TRIM14: variants seen among roughly 807,000 people sequenced by gnomAD.
The protein encoded by TRIM14 is tripartite motif containing 14.
In TRIM14, 28 loss-of-function variants were observed where a neutral mutation model predicts 44.5. The ratio of observed to expected loss-of-function variants is 0.63; its 90% CI spans 0.47 to 0.86. The LOEUF is 0.86. Ranked by LOEUF, TRIM14 falls within the 40% of genes least tolerant of loss-of-function variation. The pLI is 0.00. For synonymous variants in TRIM14, 299 were observed against 269.2 expected (o/e 1.11, Z -1.08); for missense variants, 607 against 611.1 (o/e 0.99, Z 0.07).
rs1825859156 is a variant in TRIM14, at chr9:98,088,016, C to A, written c.794-11G>T. The A allele has an allele frequency of 2.0e-6, 3 of 1,507,472 alleles. No homozygotes were observed. Among genetic ancestry groups the A allele is most frequent in the African/African-American group, 1.4e-5 (1 of 69,142 alleles). The allele number at this position is 1,507,472 out of a possible 1,614,324, so 93.4% of individuals were successfully genotyped here. ...TGGGCGTGCGCGCGTCTGCAGGGGG[C>A]GAGACAAGGGACGCACCTGGTGGGC... On this transcript the variant is annotated splice_polypyrimidine_tract_variant and intron_variant, in intron 5 of 5. Transcript: ENST00000341469.
intron 2 of TRIM14, among the ~76,000 whole-genome samples, chr9:98,108,951 C>A (rs781172052): frequency 4.7e-5 from 7 of 147,476 alleles, no homozygotes; most frequent in Non-Finnish European, 1.0e-4. Flanking sequence ...GATCCTAGGT[C>A]ACTGCAGTCT....
the TRIM14 span, among the ~76,000 whole-genome samples, chr9:98,058,047 C>T: frequency 2.0e-5 from 3 of 151,156 alleles, no homozygotes; most frequent in South Asian, 2.1e-4. Context: ...CTCAGCCTCC[C>T]GAGTAGCTGG....
At chr9:98,054,704 C>A in the TRIM14 span, among the ~76,000 whole-genome samples, 5 of 152,202 alleles carry the variant, frequency 3.3e-5, no homozygotes, top group African/African-American at 9.6e-5. Context: ...TAGTAGTGCC[C>A]TGCCGATAGA....
intron 6 of TRIM14, chr9:98,076,624 C>T: frequency 3.0e-6 from 1 of 332,492 alleles, no homozygotes. Flanking sequence ...ATCTGCCCGC[C>T]TCGGCCTCCC....
chr9:98,107,337 A>T (rs138402361), intron 2 of TRIM14, among the ~76,000 whole-genome samples: 1 of 152,338 alleles, frequency 6.6e-6, no homozygotes, highest in East Asian at 1.9e-4. Context: ...ACCTGGACAC[A>T]ACTGTTCAAA....
Position 98,087,352 on chromosome 9 carries a change from G to C in TRIM14, c.*118C>G. 1.4e-6 allele frequency: 2 copies of C among 1,460,904 alleles called. No individual in the cohort carries two copies. The highest frequency in any genetic ancestry group is 1.9e-6 in the Non-Finnish European group (2 of 1,041,092). The allele number at this position is 1,460,904 out of a possible 1,614,324, so 90.5% of individuals were successfully genotyped here. ...GGCGTGATTGGTCGGGGAAAGCTGGGGCAGGGAGAGGGCCCTAAGAAGCAG... is the reference window on the plus strand; with the variant it reads ...GGCGTGATTGGTCGGGGAAAGCTGGCGCAGGGAGAGGGCCCTAAGAAGCAG... On this transcript the variant is annotated 3_prime_UTR_variant, in exon 6 of 6. Transcript: ENST00000341469.
intron 6 of TRIM14, among the ~76,000 whole-genome samples, chr9:98,072,282 G>A (rs984620147): frequency 6.6e-6 from 1 of 152,226 alleles, no homozygotes; most frequent in Non-Finnish European, 1.5e-5. Flanking sequence ...TGGCTGTTCT[G>A]TGACTCAGAA....
the TRIM14 span, among the ~76,000 whole-genome samples, chr9:98,045,495 G>A: frequency 2.0e-5 from 3 of 152,156 alleles, no homozygotes; most frequent in African/African-American, 7.2e-5. Flanking sequence ...GTTCAAATAA[G>A]ACAAATGCTG....
Position 98,098,629 on chromosome 9 carries a change from G to A in TRIM14, c.537+1302C>T, listed in dbSNP as rs1430586836. ...CGGGAGGCTGAGGCAGGAGAATGGT[G>A]GGAGGTGGAGCTTGCTGTAAGCCGA... On this transcript the variant is annotated intron_variant, in intron 3 of 5. Transcript: ENST00000341469. Among the ~76,000 whole-genome samples the A allele has an allele frequency of 2.6e-5, 4 of 151,074 alleles. No homozygotes were observed. The East Asian group carries it at 7.9e-4, about 30-fold the overall frequency.
the TRIM14 span, among the ~76,000 whole-genome samples, chr9:98,057,500 T>C: frequency 6.6e-6 from 1 of 152,334 alleles, no homozygotes; most frequent in Non-Finnish European, 1.5e-5. Context: ...TGTGTGAACA[T>C]GGGCTGCTTA....
intron 6 of TRIM14, among the ~76,000 whole-genome samples, chr9:98,073,892 T>C (rs960678362): frequency 6.6e-6 from 1 of 152,064 alleles, no homozygotes; most frequent in East Asian, 1.9e-4. Flanking sequence ...GTTCAAGCAA[T>C]CCTCCCACTT....
At chr9:98,094,174 G>C (rs1381968523) in intron 4 of TRIM14, among the ~76,000 whole-genome samples, 1 of 152,214 alleles carries the variant, frequency 6.6e-6, no homozygotes, top group Non-Finnish European at 1.5e-5. Context: ...GCTATGCCTG[G>C]CATATAAGAG....
At position 98,087,825 on chromosome 9, in the gene TRIM14, T is replaced by C; in HGVS notation, c.974A>G (p.Glu325Gly). 1 of 1,541,458 alleles carries C rather than the reference T, an allele frequency of 6.5e-7. No homozygotes were observed. The highest frequency in any genetic ancestry group is 2.6e-5 in the East Asian group (1 of 39,164). The part of the protein sequence containing the change: ...DCFATGRHYW[E>G]VDVQEAGAGW... Reference sequence around the variant, plus strand: ...GGCGCCCGCCTCCTGCACGTCAACCTCCCAGTAGTGGCGGCCGGTGGCGAA... The same window carrying C: ...GGCGCCCGCCTCCTGCACGTCAACCCCCCAGTAGTGGCGGCCGGTGGCGAA... The change falls in exon 6 of 6, where the codon GAG becomes GGG. Residue 325 changes from glutamate (E) to glycine (G), a missense_variant. By Grantham distance (98) the Glu-to-Gly change is moderately conservative. This residue lies in a region of TRIM14 where 356 missense variants were observed against 323.0 expected (regional missense o/e 1.10). Transcript: ENST00000341469.
intron 1 of TRIM14, among the ~76,000 whole-genome samples, chr9:98,111,464 G>A (rs1826851801): frequency 6.6e-6 from 1 of 152,094 alleles, no homozygotes; most frequent in African/African-American, 2.4e-5. Flanking sequence ...GGTGGAGAAT[G>A]CCTCAAGTTC....
At chr9:98,080,596 C>G (rs1829808497), downstream of TRIM14, among the ~76,000 whole-genome samples, 1 of 152,152 alleles carries the variant, frequency 6.6e-6, no homozygotes, top group South Asian at 2.1e-4. Flanking sequence ...ATTTTTAGAG[C>G]ATTTACAATG....
At chr9:98,083,168 C>CTA, downstream of TRIM14, 14 of 953,060 alleles carry the variant, frequency 1.5e-5, no homozygotes, top group South Asian at 6.4e-5. Flanking sequence ...TCATCCACCT[C>CTA]CACCTGCTCC....
the TRIM14 span, among the ~76,000 whole-genome samples, chr9:98,057,646 C>T: frequency 6.6e-6 from 1 of 152,080 alleles, no homozygotes; most frequent in African/African-American, 2.4e-5. Context: ...ACACATGAGT[C>T]GGTAAATGCG....
intron 6 of TRIM14, chr9:98,076,763 G>T: frequency 1.6e-6 from 1 of 617,602 alleles, no homozygotes; most frequent in South Asian, 2.0e-5. Context: ...TGAATGAAAT[G>T]ACTGAGAACA....
At chr9:98,067,600 A>C (rs1183928475), downstream of TRIM14, among the ~76,000 whole-genome samples, 10 of 152,098 alleles carry the variant, frequency 6.6e-5, 1 homozygote, top group Admixed American at 6.6e-4. Flanking sequence ...ATTCTTTTGA[A>C]ATTTAATTAT....
Sources: gnomAD v4.1 joint callset for allele counts (sites outside exome capture counted in the v4.1 genomes callset) on GRCh38, gnomAD v4.1.1 for gene constraint, gnomAD v4.1.1 regional missense constraint, MANE v1.5 for transcripts, NCBI Gene and HGNC (gene_info 2026-07-23, HGNC 2026-07-21) for gene names.